LEPR: variants seen among roughly 807,000 people sequenced by gnomAD.
LEPR encodes OB receptor.
A neutral mutation model predicts 114.7 loss-of-function variants in LEPR; 56 were observed. That is an observed-to-expected ratio of 0.49 (90% CI 0.39 to 0.61). The LOEUF is 0.61. Among genes scored for constraint, LEPR ranks in the 20% least tolerant of loss-of-function variants. LEPR has a pLI of 0.00. For missense variants in LEPR, 1,202 were observed against 1,352.9 expected, an observed-to-expected ratio of 0.89 and a Z score of 1.75; for synonymous variants, 443 against 461.4, an observed-to-expected ratio of 0.96 and a Z score of 0.51.
Position 65,616,108 on chromosome 1 carries a change from C to T in LEPR, c.2096C>T (p.Thr699Met), listed in dbSNP as rs34499590. The change falls in exon 15 of 20, where the codon ACG becomes ATG. Residue 699 changes from threonine (T) to methionine (M), a missense_variant. Coordinates refer to ENST00000349533, the MANE Select transcript of LEPR (RefSeq NM_002303.6). ...GTWSEDVGNHTKFTFLWTEQA... is the reference protein window; with the variant it reads ...GTWSEDVGNHMKFTFLWTEQA... ...TGGTCAGAAGATGTGGGAAATCACA[C>T]GAAATTCACTTTCCTGTGGACAGAG... 2,809 of 1,614,158 alleles carry T rather than the reference C, an allele frequency of 1.7e-3. 42 individuals are homozygous for T. In the African/African-American group the frequency reaches 0.034, roughly 19 times the overall value.
chr1:65,502,898 C>A (rs986168199), intron 2 of LEPR, among the ~76,000 whole-genome samples: 6 of 150,700 alleles, frequency 4.0e-5, no homozygotes, highest in African/African-American at 1.5e-4. Context: ...AGCTATGGAG[C>A]TACTGGGGAC....
At chr1:65,570,416 T>A in intron 3 of LEPR, 57 bp from the exon 4 acceptor site, 1 of 1,529,610 alleles carries the variant, frequency 6.5e-7, no homozygotes. Context: ...TACTTTCTAT[T>A]CATGTCTTAG....
chr1:65,516,913 C>A (rs1649315838), intron 2 of LEPR, among the ~76,000 whole-genome samples: 1 of 152,176 alleles, frequency 6.6e-6, no homozygotes, highest in South Asian at 2.1e-4. Flanking sequence ...CTTTTCCCTT[C>A]CAAAGGCAAG....
chr1:65,514,060 C>G (rs1015389998), intron 2 of LEPR, among the ~76,000 whole-genome samples: 1 of 152,288 alleles, frequency 6.6e-6, no homozygotes, highest in South Asian at 2.1e-4. Context: ...AGTCCACGTT[C>G]TGTTGTTAAT....
intron 2 of LEPR, among the ~76,000 whole-genome samples, chr1:65,518,855 T>TTTTCTTTCTTTC (rs796456090): frequency 6.9e-6 from 1 of 144,432 alleles, no homozygotes; most frequent in African/African-American, 2.6e-5. Flanking sequence ...TCTTTTTCTC[T>TTTTCTTTCTTTC]TTTCTTTCTT....
chr1:65,570,909 T>C (rs1654106059), intron 4 of LEPR, 107 bp downstream of exon 4: 1 of 919,574 alleles, frequency 1.1e-6, no homozygotes. Flanking sequence ...CATAATCATT[T>C]TTATATGGAT....
chr1:65,480,263 G>T (rs1317205118), intron 2 of LEPR, among the ~76,000 whole-genome samples: 2 of 152,048 alleles, frequency 1.3e-5, no homozygotes, highest in Non-Finnish European at 2.9e-5. Context: ...AAGAAAAACC[G>T]TATCGAGATG....
Position 65,617,746 on chromosome 1 carries a change from G to A in LEPR, c.2213-218G>A, listed in dbSNP as rs147751563. On this transcript the variant is annotated intron_variant, in intron 15 of 19. Transcript: ENST00000349533. Reference sequence around the variant, plus strand: ...CAAAAAATTGCTTTTTAAGGTTTTAGGGAGTATCATGTTTCTCTTCAATGT... The same window carrying A: ...CAAAAAATTGCTTTTTAAGGTTTTAAGGAGTATCATGTTTCTCTTCAATGT... Among the ~76,000 whole-genome samples the A allele has an allele frequency of 4.6e-3, 693 of 152,148 alleles. 2 individuals are homozygous for A. Among genetic ancestry groups the A allele is most frequent in the Middle Eastern group, 6.9e-3 (2 of 290 alleles).
chr1:65,500,729 G>A (rs181087986), intron 2 of LEPR, among the ~76,000 whole-genome samples: 20 of 152,250 alleles, frequency 1.3e-4, no homozygotes, highest in South Asian at 2.1e-4. Context: ...GGTTAACAGT[G>A]GGTAATTAGT....
At chr1:65,604,411 C>T (rs564394000) in intron 10 of LEPR, among the ~76,000 whole-genome samples, 2 of 152,240 alleles carry the variant, frequency 1.3e-5, no homozygotes, top group South Asian at 4.1e-4. Flanking sequence ...GTGGTACCAT[C>T]TCCGTTCACT....
chr1:65,633,852 C>A lies in LEPR; in HGVS notation c.2674-2339C>A, dbSNP rs779836335. ...AGCCCGAAGTTGTGTTTGTGCTGCC[C>A]ACAGGACAGTGGGAGTTACAGTTCA... On this transcript the variant is annotated intron_variant, in intron 19 of 19. Coordinates refer to ENST00000349533, the MANE Select transcript of LEPR (RefSeq NM_002303.6). This position sits in a 1 kb window ranked among gnomAD's most constrained non-coding sequence, Gnocchi z 4.1. 13 of 985,480 alleles carry A rather than the reference C, an allele frequency of 1.3e-5. No individual in the cohort carries two copies. Among genetic ancestry groups the A allele is most frequent in the Non-Finnish European group, 1.6e-5 (13 of 830,002 alleles). The allele number at this position is 985,480 out of a possible 1,614,324, so 61.0% of individuals were successfully genotyped here.
chr1:65,474,286 C>G (rs1277740810), intron 2 of LEPR, among the ~76,000 whole-genome samples: 3 of 152,178 alleles, frequency 2.0e-5, no homozygotes, highest in Non-Finnish European at 2.9e-5. Flanking sequence ...AACCAGGACA[C>G]CTGGGGCTCA....
At position 65,596,585 on chromosome 1, in the gene LEPR, A is replaced by G; in HGVS notation, c.841A>G (p.Ile281Val). 1 of 1,612,176 alleles carries G rather than the reference A, an allele frequency of 6.2e-7. No individual in the cohort carries two copies. Among genetic ancestry groups the G allele is most frequent in the East Asian group, 2.2e-5 (1 of 44,754 alleles). Reference sequence around the variant, plus strand: ...ATATTCAGAGAATTCTACAACAGTTATCAGAGAAGTAAGTATATTTTAGTA... The same window carrying G: ...ATATTCAGAGAATTCTACAACAGTTGTCAGAGAAGTAAGTATATTTTAGTA... Reference protein sequence around the residue: ...VKYSENSTTVIREADKIVSAT... With the variant: ...VKYSENSTTVVREADKIVSAT... The change falls in exon 7 of 20, where the codon ATC (isoleucine) becomes GTC (valine). Residue 281 changes from isoleucine to valine, a missense_variant. Coordinates refer to ENST00000349533, the MANE Select transcript of LEPR (RefSeq NM_002303.6).
chr1:65,634,797 A>G (rs981449653), intron 19 of LEPR: 3 of 897,682 alleles, frequency 3.3e-6, no homozygotes, highest in Non-Finnish European at 2.7e-6. Context: ...AGTTCAGTGC[A>G]TATATAGTAG....
chr1:65,423,262 G>A (rs1219337871), intron 1 of LEPR, among the ~76,000 whole-genome samples: 3 of 152,124 alleles, frequency 2.0e-5, no homozygotes, highest in Non-Finnish European at 2.9e-5. Flanking sequence ...GGAGCTTTGG[G>A]TTGAACATAA....
At chr1:65,430,506 A>G (rs1020975387) in intron 2 of LEPR, among the ~76,000 whole-genome samples, 4 of 152,216 alleles carry the variant, frequency 2.6e-5, no homozygotes, top group African/African-American at 9.6e-5. Context: ...ATAAGTTGAC[A>G]TCTTCACTTC....
At chr1:65,436,136 G>C in intron 2 of LEPR, 10 of 904,754 alleles carry the variant, frequency 1.1e-5, no homozygotes, top group Non-Finnish European at 1.2e-5. Flanking sequence ...ATGTGAATCT[G>C]ACCAGTTTGA....
At chr1:65,421,258 C>A in intron 1 of LEPR, 1 of 1,416,716 alleles carries the variant, frequency 7.1e-7, no homozygotes, top group Non-Finnish European at 9.3e-7. Flanking sequence ...GTGTTTCTCG[C>A]AGTCGTGGAG....
chr1:65,481,775 G>A (rs1392661772), intron 2 of LEPR, among the ~76,000 whole-genome samples: 1 of 150,604 alleles, frequency 6.6e-6, no homozygotes, highest in Non-Finnish European at 1.5e-5. Context: ...GTACAAGTTT[G>A]GTACAACTTC....
Sources: gnomAD v4.1 joint callset for allele counts (sites outside exome capture counted in the v4.1 genomes callset) on GRCh38, gnomAD v4.1.1 for gene constraint, Gnocchi (gnomAD v3.1) non-coding constraint, MANE v1.5 for transcripts, NCBI Gene and HGNC (gene_info 2026-07-23, HGNC 2026-07-21) for gene names.